The following MED16 variants were observed in gnomAD, a reference collection of about 807,000 sequenced individuals.
The protein encoded by MED16 is mediator of RNA polymerase II transcription subunit 16.
In MED16, 81 loss-of-function variants were observed where a neutral mutation model predicts 84.4. That is an observed-to-expected ratio of 0.96 (90% CI 0.80 to 1.15). The LOEUF (loss-of-function observed/expected upper bound fraction) is 1.15, where lower values mean the gene tolerates loss of function less well. Ranked by LOEUF, MED16 falls within the 50% of genes most tolerant of loss-of-function variation. MED16 has a pLI of 0.00. For synonymous variants in MED16, 897 were observed against 552.2 expected (o/e 1.62, Z -8.76); for missense variants, 1,585 against 1,245.9 (o/e 1.27, Z -4.10).
chr19:868,022 C>A lies in MED16; in HGVS notation c.*79G>T. On this transcript the variant is annotated 3_prime_UTR_variant, in exon 16 of 16. Transcript: ENST00000325464. The stretch of plus-strand genomic sequence containing the variant: ...CCAGCCGCTGCTTGTCCAGGTTCAG[C>A]GCTCTCCGCGGGTGAGGCAAGGAAA... The A allele has an allele frequency of 6.7e-7, 1 of 1,500,618 alleles. No homozygotes were observed. Among genetic ancestry groups the A allele is most frequent in the South Asian group, 1.3e-5 (1 of 76,364 alleles). The allele number at this position is 1,500,618 out of a possible 1,614,324, so 93.0% of individuals were successfully genotyped here.
chr19:892,615 A>C (rs2365703), intron 1 of MED16: 1 of 136,120 alleles, frequency 7.3e-6, no homozygotes, highest in African/African-American at 2.9e-5. Flanking sequence ...GACCCCTATA[A>C]CTCCGCAGTC....
At chr19:886,284 G>C in intron 4 of MED16, 83 bp from the exon 5 acceptor site, 1 of 1,215,326 alleles carries the variant, frequency 8.2e-7, no homozygotes, top group Non-Finnish European at 1.1e-6. Context: ...GCGCACAGAA[G>C]AACCACGCAG....
chr19:875,132 C>A (rs1212881488), intron 10 of MED16, 112 bp downstream of exon 10: 7 of 722,958 alleles, frequency 9.7e-6, no homozygotes, highest in Non-Finnish European at 1.4e-5. Context: ...CCACTGCACT[C>A]CAGCCTGGGC....
chr19:890,849 G>C, intron 2 of MED16, 114 bp downstream of exon 2: 1 of 1,154,784 alleles, frequency 8.7e-7, no homozygotes, highest in South Asian at 1.5e-5. Context: ...GGGCCAGGGT[G>C]AGTGAGAGGT....
In MED16 at chr19:889,695, G is replaced by C; in HGVS notation, c.390C>G (p.Pro130=). The change falls in exon 4 of 16, where the codon CCC becomes CCG. Residue 130 remains proline (P), a synonymous_variant. Transcript: ENST00000325464. ...SSVGSLVEGD[P]IVALSWLHNG... The stretch of plus-strand genomic sequence containing the variant: ...TGTGCAGCCAGGACAGGGCCACAAT[G>C]GGGTCCCCCTCCACTAGGCTGCCCA... The C allele has an allele frequency of 6.2e-7, 1 of 1,613,884 alleles. No individual in the cohort carries two copies. Among genetic ancestry groups the C allele is most frequent in the Non-Finnish European group, 8.5e-7 (1 of 1,179,984 alleles).
rs924546042 is a variant in MED16, at chr19:888,986, G to C, written c.447+652C>G. 6.6e-5 allele frequency among the ~76,000 whole-genome samples: 10 copies of C among 152,020 alleles called. No homozygotes were observed. In the East Asian group the frequency reaches 1.2e-3, roughly 18 times the overall value. ...CCGTCAGTGAGGAAACTGACACACA[G>C]AGGTGAGGAGTCAGAGCCTGAACCC... On this transcript the variant is annotated intron_variant, in intron 4 of 15. Coordinates refer to ENST00000325464, the MANE Select transcript of MED16 (RefSeq NM_005481.3).
At chr19:868,623 CCCACCTG>C in intron 14 of MED16, 124 bp from the exon 15 acceptor site, 1 of 1,312,612 alleles carries the variant, frequency 7.6e-7, no homozygotes, top group South Asian at 1.3e-5. Context: ...TCCCCACGTC[CCCACCTG>C]CCACAGGGCC....
At chr19:877,693 C>T (rs1419025690) in intron 8 of MED16, among the ~76,000 whole-genome samples, 1 of 137,432 alleles carries the variant, frequency 7.3e-6, no homozygotes, top group African/African-American at 2.7e-5. Flanking sequence ...TCGCCTTCCC[C>T]TGGTTGTCAA....
At chr19:874,598 G>C (rs532781526) in intron 10 of MED16, among the ~76,000 whole-genome samples, 2 of 152,322 alleles carry the variant, frequency 1.3e-5, no homozygotes, top group East Asian at 3.9e-4. Flanking sequence ...CAGGACCCGG[G>C]TGCCGGGTGT....
intron 7 of MED16, among the ~76,000 whole-genome samples, chr19:881,160 A>T (rs1471430855): frequency 6.6e-6 from 1 of 152,134 alleles, no homozygotes; most frequent in Non-Finnish European, 1.5e-5. Flanking sequence ...CAAATAGGGT[A>T]GGCACTGAAG....
chr19:890,940 A>T, intron 2 of MED16, 23 bp downstream of exon 2: 1 of 1,606,422 alleles, frequency 6.2e-7, no homozygotes, highest in Non-Finnish European at 8.5e-7. Flanking sequence ...CCGGGAGGGG[A>T]AGCAGGTGGG....
chr19:875,799 C>T (rs2036216916), intron 9 of MED16, among the ~76,000 whole-genome samples: 1 of 152,148 alleles, frequency 6.6e-6, no homozygotes, highest in Non-Finnish European at 1.5e-5. Flanking sequence ...GAGGCTGCTC[C>T]AGCCCCCGAT....
chr19:869,682 G>A lies in MED16; in HGVS notation c.2316-736C>T, dbSNP rs543102136. On this transcript the variant is annotated intron_variant, in intron 13 of 15. Coordinates refer to ENST00000325464, the MANE Select transcript of MED16 (RefSeq NM_005481.3). ...CAAGCCGGGGGTGCCTTCCCTGGAGGTCCTGGAGCCGAGCCGGGGCCTTCC... is the reference window on the plus strand; with the variant it reads ...CAAGCCGGGGGTGCCTTCCCTGGAGATCCTGGAGCCGAGCCGGGGCCTTCC... 2.6e-5 allele frequency among the ~76,000 whole-genome samples: 4 copies of A among 152,270 alleles called. No homozygotes were observed. In the South Asian group the frequency reaches 6.2e-4, roughly 24 times the overall value.
intron 10 of MED16, 102 bp from the exon 11 acceptor site, chr19:873,684 TA>T: frequency 1.5e-6 from 2 of 1,369,886 alleles, no homozygotes; most frequent in Non-Finnish European, 2.0e-6. Context: ...GCCCACCCAG[TA>T]CCAGGACACA....
intron 9 of MED16, among the ~76,000 whole-genome samples, chr19:875,965 AAAAAC>A (rs2145209381): frequency 6.6e-6 from 1 of 152,318 alleles, no homozygotes; most frequent in Admixed American, 6.5e-5. Flanking sequence ...AGAAACAACT[AAAAAC>A]AAAAATGAAA....
At chr19:870,945 G>T in intron 13 of MED16, 92 bp downstream of exon 13, 11 of 1,301,370 alleles carry the variant, frequency 8.5e-6, no homozygotes, top group Non-Finnish European at 1.1e-5. Flanking sequence ...GGCAGGACAT[G>T]CAGGGAGGGA....
chr19:880,193 A>C lies in MED16; in HGVS notation c.1142-45T>G. On this transcript the variant is annotated intron_variant, in intron 7 of 15. Transcript: ENST00000325464. ...CTTAGACATGGGCAGGGCCCAGGAC[A>C]CGCCCGCCGGGGGAGGGGCCTCCTG... The C allele has an allele frequency of 2.0e-6, 3 of 1,531,196 alleles. No homozygotes were observed. The South Asian group carries it at 3.6e-5, about 19-fold the overall frequency. 94.9% of individuals were successfully genotyped at this position (1,531,196 alleles called of 1,614,324 possible).
At chr19:868,313 A>G in intron 15 of MED16, 62 bp from the exon 16 acceptor site, 1 of 1,586,684 alleles carries the variant, frequency 6.3e-7, no homozygotes, top group Non-Finnish European at 8.5e-7. Context: ...TGGCTCTTGC[A>G]GCAGCCGGGC....
Position 884,939 on chromosome 19 carries a change from GGAGTCC to G in MED16, c.943_948del (p.Gly315_Leu316del). On this transcript the variant is annotated inframe_deletion, in exon 6 of 16. Coordinates refer to ENST00000325464, the MANE Select transcript of MED16 (RefSeq NM_005481.3). ...ATCTGCTGGAAGATGTTGTTCACGG[GGAGTCC>G]CTCCTTGCGCAGGGACCAGCACTCC... The G allele has an allele frequency of 6.2e-7, 1 of 1,609,780 alleles. No homozygotes were observed.
Sources: gnomAD v4.1 joint callset for allele counts (sites outside exome capture counted in the v4.1 genomes callset) on GRCh38, gnomAD v4.1.1 for gene constraint, MANE v1.5 for transcripts, NCBI Gene and HGNC (gene_info 2026-07-23, HGNC 2026-07-21) for gene names.